The following SFMBT1 variants were observed in gnomAD, a reference collection of about 807,000 sequenced individuals.
The protein encoded by SFMBT1 is scm-like with four MBT domains protein 1.
A neutral mutation model predicts 108.7 loss-of-function variants in SFMBT1; 32 were observed. That is an observed-to-expected ratio of 0.29 (90% CI 0.22 to 0.40). The LOEUF is 0.40. Among genes scored for constraint, SFMBT1 ranks in the 10% least tolerant of loss-of-function variants. The pLI is 1.00. For synonymous variants in SFMBT1, 348 were observed against 369.5 expected, an observed-to-expected ratio of 0.94 and a Z score of 0.67; for missense variants, 816 against 1,059.6, an observed-to-expected ratio of 0.77 and a Z score of 3.19.
intron 3 of SFMBT1, among the ~76,000 whole-genome samples, chr3:52,952,045 T>C (rs2106830269): frequency 6.6e-6 from 1 of 152,256 alleles, no homozygotes; most frequent in African/African-American, 2.4e-5. Context: ...TGACTGAGTT[T>C]TTACACACGG....
intron 1 of SFMBT1, among the ~76,000 whole-genome samples, chr3:53,012,441 C>T (rs1002631271): frequency 6.6e-6 from 1 of 151,624 alleles, no homozygotes; most frequent in Non-Finnish European, 1.5e-5. Context: ...CTCGCTCTGT[C>T]GCCCAGGCTG....
intron 12 of SFMBT1, 53 bp downstream of exon 12, chr3:52,920,484 C>T (rs1702486579): frequency 7.6e-7 from 1 of 1,319,876 alleles, no homozygotes; most frequent in African/African-American, 1.5e-5. Flanking sequence ...TGGCAGCAGC[C>T]ACACAGAAGA....
At chr3:52,906,984 G>A in intron 19 of SFMBT1, 85 bp downstream of exon 19, 1 of 1,471,432 alleles carries the variant, frequency 6.8e-7, no homozygotes, top group Non-Finnish European at 9.1e-7. Flanking sequence ...GAAAGAAGTA[G>A]AATGTCAATA....
At chr3:52,978,090 A>G (rs1704580305) in intron 1 of SFMBT1, among the ~76,000 whole-genome samples, 1 of 152,202 alleles carries the variant, frequency 6.6e-6, no homozygotes, top group African/African-American at 2.4e-5. Context: ...TGTAAGGAAG[A>G]AAGTATAATA....
At chr3:52,928,450 T>TA in intron 8 of SFMBT1, 109 bp from the exon 9 acceptor site, 1 of 1,132,188 alleles carries the variant, frequency 8.8e-7, no homozygotes, top group South Asian at 1.5e-5. Context: ...TGGGTATTAA[T>TA]AATACTAAAC....
chr3:52,918,456 A>G, intron 13 of SFMBT1, 28 bp downstream of exon 13: 5 of 1,534,158 alleles, frequency 3.3e-6, no homozygotes, highest in Non-Finnish European at 4.4e-6. Context: ...TCTAACTTGT[A>G]AACTGTTCAT....
At chr3:52,996,363 C>T (rs1698332339) in intron 1 of SFMBT1, among the ~76,000 whole-genome samples, 1 of 148,656 alleles carries the variant, frequency 6.7e-6, no homozygotes, top group African/African-American at 2.4e-5. Flanking sequence ...CAGGCGCACG[C>T]CACCACACCC....
chr3:52,950,678 C>T (rs960365950), intron 3 of SFMBT1, among the ~76,000 whole-genome samples: 17 of 152,028 alleles, frequency 1.1e-4, no homozygotes, highest in East Asian at 1.9e-4. Context: ...TTCACCATGT[C>T]GGCCAGGCTG....
At chr3:52,935,461 G>A (rs184887544) in intron 4 of SFMBT1, among the ~76,000 whole-genome samples, 8 of 152,280 alleles carry the variant, frequency 5.3e-5, no homozygotes, top group Admixed American at 5.2e-4. Context: ...GACTAGTAAA[G>A]CCTAAAATAT....
chr3:53,027,952 T>C (rs1471684279), intron 1 of SFMBT1, among the ~76,000 whole-genome samples: 1 of 152,226 alleles, frequency 6.6e-6, no homozygotes, highest in Non-Finnish European at 1.5e-5. Flanking sequence ...AGCGTTCCAG[T>C]AATGGAACAG....
At chr3:52,988,748 G>C (rs1034235147) in intron 1 of SFMBT1, among the ~76,000 whole-genome samples, 1 of 152,088 alleles carries the variant, frequency 6.6e-6, no homozygotes, top group South Asian at 2.1e-4. Flanking sequence ...AAAGTTAAAT[G>C]GACATGAGGA....
rs1389901384 is a variant in SFMBT1, at chr3:53,046,041, G to C, written c.-356C>G. On this transcript the variant is annotated 5_prime_UTR_variant, in exon 1 of 21. Coordinates refer to ENST00000394752, the MANE Select transcript of SFMBT1 (RefSeq NM_016329.4). ...CCACCCGCGCTCCGGCGGAGGCGGC[G>C]GCGGCGCTCCGCGCTCCGACTCATT... 2.0e-5 allele frequency: 3 copies of C among 151,192 alleles called. No homozygotes were observed. The highest frequency in any genetic ancestry group is 7.3e-5 in the African/African-American group (3 of 41,164). The allele number at this position is 151,192 out of a possible 1,614,324, so 9.4% of individuals were successfully genotyped here. A position where few individuals can be genotyped will look rare whatever the true frequency, so the allele number is the denominator to read the frequency against.
At chr3:52,938,870 G>A (rs953704887) in intron 4 of SFMBT1, among the ~76,000 whole-genome samples, 9 of 152,150 alleles carry the variant, frequency 5.9e-5, no homozygotes, top group African/African-American at 1.9e-4. Context: ...TTGCTCAGCT[G>A]AAGCTCATTC....
At chr3:52,970,664 T>C (rs1007333220) in intron 1 of SFMBT1, among the ~76,000 whole-genome samples, 1 of 152,168 alleles carries the variant, frequency 6.6e-6, no homozygotes, top group Non-Finnish European at 1.5e-5. Context: ...TTGGGAGTGA[T>C]ATTCTGCAGG....
intron 10 of SFMBT1, among the ~76,000 whole-genome samples, chr3:52,924,737 G>C (rs1702610212): frequency 6.6e-6 from 1 of 152,162 alleles, no homozygotes. Context: ...TCCAGACAGA[G>C]AGTGGAGGTT....
At chr3:52,999,382 G>A (rs925310201) in intron 1 of SFMBT1, among the ~76,000 whole-genome samples, 1 of 150,500 alleles carries the variant, frequency 6.6e-6, no homozygotes, top group Non-Finnish European at 1.5e-5. Context: ...AGCCACCCAC[G>A]CGCCACAGCA....
chr3:53,027,571 T>C (rs1699537055), intron 1 of SFMBT1, among the ~76,000 whole-genome samples: 2 of 152,202 alleles, frequency 1.3e-5, no homozygotes, highest in South Asian at 2.1e-4. Flanking sequence ...CCTCCAGGAA[T>C]ACTGTCATTT....
intron 8 of SFMBT1, among the ~76,000 whole-genome samples, chr3:52,928,659 TATATAC>T (rs1702761313): frequency 1.6e-4 from 5 of 31,158 alleles, no homozygotes; most frequent in South Asian, 1.8e-3. Flanking sequence ...TATATACACA[TATATAC>T]ATATATACAC....
chr3:52,985,960 T>G lies in SFMBT1; in HGVS notation c.-130-16702A>C, dbSNP rs528152008. Among the ~76,000 whole-genome samples, 12 of 152,132 alleles carry G rather than the reference T, an allele frequency of 7.9e-5. No individual in the cohort carries two copies. The South Asian group carries it at 2.5e-3, about 32-fold the overall frequency. On this transcript the variant is annotated intron_variant, in intron 1 of 20. Transcript: ENST00000394752. ...GAGTTTGAGACCAGCCTGGCCAACA[T>G]GGTGAAACCCCGTCTCTACTAAAAA...
Sources: gnomAD v4.1 joint callset for allele counts (sites outside exome capture counted in the v4.1 genomes callset) on GRCh38, gnomAD v4.1.1 for gene constraint, MANE v1.5 for transcripts, NCBI Gene and HGNC (gene_info 2026-07-23, HGNC 2026-07-21) for gene names.